Variants in RIMS3 observed in about 807,000 individuals in gnomAD.
RIMS3 encodes regulating synaptic membrane exocytosis 3.
Under a neutral mutation model 29.2 loss-of-function variants are expected in RIMS3, and 15 were observed. That is an observed-to-expected ratio of 0.51 (90% CI 0.34 to 0.79). The LOEUF is 0.79. Among genes scored for constraint, RIMS3 ranks in the 30% least tolerant of loss-of-function variants. The pLI, the probability that RIMS3 is intolerant of heterozygous loss-of-function variation, is 0.01. For missense variants in RIMS3, 342 were observed against 421.4 expected (o/e 0.81, Z 1.65); for synonymous variants, 161 against 170.1 (o/e 0.95, Z 0.41).
At chr1:40,638,709 T>C (rs959601002) in intron 3 of RIMS3, among the ~76,000 whole-genome samples, 55 of 152,116 alleles carry the variant, frequency 3.6e-4, no homozygotes, top group African/African-American at 1.3e-3. Flanking sequence ...ACCCAGCCAA[T>C]TGCCAGACCA....
At chr1:40,628,188 C>T (rs1274882823) in intron 7 of RIMS3, among the ~76,000 whole-genome samples, 1 of 152,226 alleles carries the variant, frequency 6.6e-6, no homozygotes, top group African/African-American at 2.4e-5. Context: ...GGAATCTGAA[C>T]CTAGGACTGA....
intron 3 of RIMS3, among the ~76,000 whole-genome samples, chr1:40,640,070 C>A (rs554831936): frequency 6.6e-6 from 1 of 152,292 alleles, no homozygotes; most frequent in Non-Finnish European, 1.5e-5. Context: ...AGACTGTCCC[C>A]CCAAATCACT....
the RIMS3 span, among the ~76,000 whole-genome samples, chr1:40,685,845 G>T: frequency 7.1e-6 from 1 of 141,008 alleles, no homozygotes; most frequent in African/African-American, 2.6e-5. Context: ...AACCTTTAAA[G>T]AAAAAAAAAA....
upstream of RIMS3, chr1:40,669,147 T>C (rs902195851): frequency 6.6e-6 from 1 of 152,244 alleles, no homozygotes; most frequent in Admixed American, 6.5e-5. Flanking sequence ...TAAAAATAAA[T>C]AAATAACAGC....
chr1:40,685,455 C>G, the RIMS3 span, among the ~76,000 whole-genome samples: 1 of 150,780 alleles, frequency 6.6e-6, no homozygotes, highest in Admixed American at 6.6e-5. Flanking sequence ...TGACGCAGGC[C>G]TGACCCTGAG....
chr1:40,670,958 T>C, the RIMS3 span, among the ~76,000 whole-genome samples: 1 of 152,090 alleles, frequency 6.6e-6, no homozygotes, highest in Admixed American at 6.5e-5. Flanking sequence ...GAAAGTAGCA[T>C]TTTTTAAATG....
chr1:40,691,650 A>ACGATACTGGGAGTCCAGGCG, the RIMS3 span: 2 of 436,824 alleles, frequency 4.6e-6, no homozygotes, highest in Non-Finnish European at 9.2e-6. Context: ...TGCGCACCGC[A>ACGATACTGGGAGTCCAGGCG]CGATACTGGG....
At chr1:40,641,436 G>C (rs1646556851) in intron 3 of RIMS3, among the ~76,000 whole-genome samples, 1 of 152,244 alleles carries the variant, frequency 6.6e-6, no homozygotes, top group African/African-American at 2.4e-5. Flanking sequence ...CCAACTGCTA[G>C]AGTTTGAATC....
intron 1 of RIMS3, among the ~76,000 whole-genome samples, chr1:40,660,914 A>G (rs1291600939): frequency 1.3e-5 from 2 of 152,074 alleles, no homozygotes; most frequent in South Asian, 2.1e-4. Context: ...CAACCCCAGA[A>G]GGCACCAGGA....
chr1:40,628,586 C>T (rs1433627345), intron 7 of RIMS3, among the ~76,000 whole-genome samples: 1 of 152,194 alleles, frequency 6.6e-6, no homozygotes, highest in Non-Finnish European at 1.5e-5. Flanking sequence ...TTCTACCTAC[C>T]AGCTGTGCAA....
intron 7 of RIMS3, among the ~76,000 whole-genome samples, chr1:40,626,959 G>A (rs1646458626): frequency 6.6e-6 from 1 of 152,172 alleles, no homozygotes; most frequent in African/African-American, 2.4e-5. Flanking sequence ...ATGTAGGTAG[G>A]GGTGCTCTGT....
rs894917996 is a variant in RIMS3, at chr1:40,625,945, G to A, written c.*572C>T. ...CAGTGGCAGGAAGAGCTGCCGGAGC[G>A]GCTCCAGTGGGGTGGGGTTCCCAGA... On this transcript the variant is annotated 3_prime_UTR_variant, in exon 8 of 8. Transcript: ENST00000372684. The A allele has an allele frequency of 4.2e-5, 7 of 167,778 alleles. No individual in the cohort carries two copies. Among genetic ancestry groups the A allele is most frequent in the Non-Finnish European group, 9.2e-5 (7 of 76,416 alleles). 10.4% of individuals were successfully genotyped at this position (167,778 alleles called of 1,614,324 possible). A position where few individuals can be genotyped will look rare whatever the true frequency, so the allele number is the denominator to read the frequency against.
Position 40,654,483 on chromosome 1 carries a change from G to A in RIMS3, c.-206-6641C>T, listed in dbSNP as rs534605692. 6.6e-5 allele frequency among the ~76,000 whole-genome samples: 10 copies of A among 152,042 alleles called. No individual in the cohort carries two copies. The highest frequency in any genetic ancestry group is 1.0e-4 in the Non-Finnish European group (7 of 68,010). On this transcript the variant is annotated intron_variant, in intron 1 of 7. Coordinates refer to ENST00000372684, the MANE Select transcript of RIMS3 (RefSeq NM_014747.3). The surrounding 1 kb of genome is among the most constrained non-coding windows in gnomAD (Gnocchi z 5.3). ...ATGCACGCTGTACAAAGAAGATGAC[G>A]TACACAAAACAACAGGCACACACCA...
chr1:40,669,548 C>G (rs1028248852), upstream of RIMS3: 22 of 152,228 alleles, frequency 1.4e-4, no homozygotes. Context: ...ACTCATTCAC[C>G]CCAGGAAGCG....
the RIMS3 span, among the ~76,000 whole-genome samples, chr1:40,679,817 G>T: frequency 1.3e-5 from 2 of 151,956 alleles, no homozygotes; most frequent in Non-Finnish European, 1.5e-5. Context: ...CAGGCCCTGG[G>T]AGCTGTTGAC....
the RIMS3 span, among the ~76,000 whole-genome samples, chr1:40,682,741 C>CTTTTTTTTTTTTTT: frequency 0.027 from 2,119 of 77,312 alleles, 475 homozygotes; most frequent in Non-Finnish European, 0.034. Context: ...CTTTGCAGAT[C>CTTTTTTTTTTTTTT]TTTTTTTTTT....
chr1:40,629,911 C>T (rs913006394), intron 5 of RIMS3, among the ~76,000 whole-genome samples: 3 of 151,784 alleles, frequency 2.0e-5, no homozygotes, highest in African/African-American at 7.3e-5. Flanking sequence ...CCCATCTCTA[C>T]TAAAAATACA....
rs183355242 is a variant in RIMS3, at chr1:40,636,942, G to T, written c.218-885C>A. 9.9e-4 allele frequency among the ~76,000 whole-genome samples: 151 copies of T among 152,304 alleles called. 2 individuals are homozygous for T. The East Asian group carries it at 0.02, about 20-fold the overall frequency. ...CCTCTAGACACCCTCTCCTCCTGGC[G>T]GGGGGCGGATGGGGGAGATGGCCTG... On this transcript the variant is annotated intron_variant, in intron 3 of 7. Coordinates refer to ENST00000372684, the MANE Select transcript of RIMS3 (RefSeq NM_014747.3). This position sits in a 1 kb window ranked among gnomAD's most constrained non-coding sequence, Gnocchi z 4.2.
chr1:40,626,807 G>A (rs942877901), intron 7 of RIMS3, 78 bp from the exon 8 acceptor site: 41 of 1,320,748 alleles, frequency 3.1e-5, no homozygotes, highest in Admixed American at 6.9e-5. Flanking sequence ...GAACCTACAC[G>A]TTTCAGCAGG....
Sources: allele counts gnomAD v4.1 joint callset (sites outside exome capture counted in the v4.1 genomes callset), GRCh38; gene constraint gnomAD v4.1.1; non-coding constraint Gnocchi (gnomAD v3.1); transcripts MANE v1.5; gene names NCBI Gene and HGNC (gene_info 2026-07-23, HGNC 2026-07-21).